The following AKT3 variants were observed in gnomAD, a reference collection of about 807,000 sequenced individuals.
AKT3 encodes the protein RAC-gamma serine/threonine-protein kinase.
Under a neutral mutation model 65.3 loss-of-function variants are expected in AKT3, and 15 were observed. The observed-to-expected ratio is 0.23, with a 90% CI of 0.15 to 0.35. The LOEUF (loss-of-function observed/expected upper bound fraction) is 0.35. AKT3 is among the 10% of genes least tolerant of loss of function. AKT3 has a pLI of 1.00. For synonymous variants in AKT3, 206 were observed against 183.8 expected (o/e 1.12, Z -0.98); for missense variants, 243 against 576.5 (o/e 0.42, Z 5.92).
chr1:243,663,030 C>T (rs1180734612), intron 4 of AKT3, among the ~76,000 whole-genome samples: 1 of 152,108 alleles, frequency 6.6e-6, no homozygotes, highest in Non-Finnish European at 1.5e-5. Context: ...ATAACATTTT[C>T]AAAGAATATA....
chr1:243,799,422 T>C (rs551078425), intron 2 of AKT3, among the ~76,000 whole-genome samples: 7 of 152,216 alleles, frequency 4.6e-5, no homozygotes, highest in Non-Finnish European at 1.0e-4. Context: ...ACCACAAAAC[T>C]ATGGTTGTAA....
At chr1:243,804,238 C>T (rs1345744569) in intron 2 of AKT3, among the ~76,000 whole-genome samples, 2 of 152,290 alleles carry the variant, frequency 1.3e-5, no homozygotes, top group South Asian at 2.1e-4. Flanking sequence ...TAAAAAATAA[C>T]ACTACACTGC....
At chr1:243,788,435 T>C (rs927165331) in intron 2 of AKT3, among the ~76,000 whole-genome samples, 7 of 152,076 alleles carry the variant, frequency 4.6e-5, no homozygotes, top group African/African-American at 1.4e-4. Context: ...TGGGTATTCG[T>C]GGGGGGGACT....
intron 2 of AKT3, among the ~76,000 whole-genome samples, chr1:243,743,747 G>A (rs1282435379): frequency 6.6e-6 from 1 of 152,156 alleles, no homozygotes; most frequent in African/African-American, 2.4e-5. Context: ...CAAGGTTGAT[G>A]CTACACCTGT....
chr1:243,665,909 T>C (rs1682734311), intron 3 of AKT3, among the ~76,000 whole-genome samples: 1 of 152,192 alleles, frequency 6.6e-6, no homozygotes, highest in African/African-American at 2.4e-5. Context: ...CTTTTCTCAG[T>C]GCTTATCTGC....
chr1:243,783,732 T>C (rs1372878517), intron 2 of AKT3, among the ~76,000 whole-genome samples: 1 of 152,148 alleles, frequency 6.6e-6, no homozygotes, highest in Non-Finnish European at 1.5e-5. Context: ...TAACAAAATA[T>C]GTTTAACCAA....
chr1:243,621,136 C>T (rs1402548652), intron 6 of AKT3, among the ~76,000 whole-genome samples: 1 of 152,102 alleles, frequency 6.6e-6, no homozygotes, highest in Non-Finnish European at 1.5e-5. Flanking sequence ...CTTAAATGTA[C>T]ACACTAACCC....
intron 2 of AKT3, among the ~76,000 whole-genome samples, chr1:243,707,821 G>A (rs567655701): frequency 2.4e-4 from 37 of 152,024 alleles, no homozygotes; most frequent in Non-Finnish European, 4.3e-4. Context: ...CTTTAAAAAC[G>A]TATGCTTTTA....
intron 2 of AKT3, among the ~76,000 whole-genome samples, chr1:243,714,857 T>C (rs1410622335): frequency 6.6e-6 from 1 of 152,158 alleles, no homozygotes; most frequent in Non-Finnish European, 1.5e-5. Flanking sequence ...GGAACAAGAT[T>C]AGTTTAATCA....
intron 8 of AKT3, among the ~76,000 whole-genome samples, chr1:243,591,472 C>T (rs1303322798): frequency 6.6e-6 from 1 of 152,092 alleles, no homozygotes; most frequent in Non-Finnish European, 1.5e-5. Context: ...CCCCAAACTT[C>T]CAGCATCTGA....
intron 2 of AKT3, among the ~76,000 whole-genome samples, chr1:243,725,994 TC>T (rs1489281658): frequency 1.3e-5 from 2 of 152,156 alleles, no homozygotes; most frequent in Non-Finnish European, 2.9e-5. Flanking sequence ...AAAGGTTAGT[TC>T]TCATAAAGGC....
At chr1:243,510,207 C>A (rs1669931157) in intron 13 of AKT3, among the ~76,000 whole-genome samples, 1 of 152,152 alleles carries the variant, frequency 6.6e-6, no homozygotes, top group Admixed American at 6.5e-5. Flanking sequence ...AGAGGGGAGG[C>A]AAGCCTGGGT....
Position 243,499,746 on chromosome 1 carries a change from T to C in AKT3, c.*5503A>G. On this transcript the variant is annotated 3_prime_UTR_variant, in exon 14 of 14. Transcript: ENST00000673466. ...AGCTATTGAAACTTACTTTTTATTA[T>C]TTTTTCCAGTTACCCAGCATGCCAC... 6.2e-7 allele frequency: 1 copy of C among 1,608,010 alleles called. No individual in the cohort carries two copies. The highest frequency in any genetic ancestry group is 8.5e-7 in the Non-Finnish European group (1 of 1,174,680).
At chr1:243,588,903 A>C (rs1476926397) in intron 8 of AKT3, among the ~76,000 whole-genome samples, 1 of 152,226 alleles carries the variant, frequency 6.6e-6, no homozygotes, top group Non-Finnish European at 1.5e-5. Context: ...ACTACTATTT[A>C]TCTCTTTGCT....
chr1:243,490,465 A>G (rs1666133989), intron 13 of AKT3, among the ~76,000 whole-genome samples: 1 of 152,212 alleles, frequency 6.6e-6, no homozygotes, highest in South Asian at 2.1e-4. Flanking sequence ...ACGACACTAC[A>G]TTTTGAAAAC....
chr1:243,752,365 T>C (rs1215915338), intron 2 of AKT3, among the ~76,000 whole-genome samples: 1 of 152,220 alleles, frequency 6.6e-6, no homozygotes. Flanking sequence ...TGAACATTCT[T>C]TGTATTTGAT....
intron 2 of AKT3, among the ~76,000 whole-genome samples, chr1:243,761,828 T>C (rs966570441): frequency 2.0e-5 from 3 of 152,174 alleles, no homozygotes; most frequent in African/African-American, 7.2e-5. Context: ...TTAAAAAATA[T>C]GTACACATTT....
intron 2 of AKT3, among the ~76,000 whole-genome samples, chr1:243,802,679 A>G (rs543006397): frequency 6.6e-6 from 1 of 152,322 alleles, no homozygotes; most frequent in African/African-American, 2.4e-5. Context: ...GAGCTAGACA[A>G]AATTTCTAAT....
At chr1:243,772,174 C>G (rs1690227498) in intron 2 of AKT3, among the ~76,000 whole-genome samples, 1 of 152,004 alleles carries the variant, frequency 6.6e-6, no homozygotes, top group South Asian at 2.1e-4. Flanking sequence ...GCAACAAAAG[C>G]CAAAATTGAC....
Sources: allele counts gnomAD v4.1 joint callset (sites outside exome capture counted in the v4.1 genomes callset), GRCh38; gene constraint gnomAD v4.1.1; transcripts MANE v1.5; gene names NCBI Gene and HGNC (gene_info 2026-07-23, HGNC 2026-07-21).